Variants in SAMD5 observed in about 807,000 individuals in gnomAD.
SAMD5 encodes the protein sterile alpha motif domain-containing protein 5.
A neutral mutation model predicts 11.3 loss-of-function variants in SAMD5; 13 were observed. The observed-to-expected ratio is 1.15, with a 90% CI of 0.75 to 1.83. The LOEUF is 1.83. Among genes scored for constraint, SAMD5 ranks in the 40% most tolerant of loss-of-function variants. The pLI is 0.00. For missense variants in SAMD5, 255 were observed against 239.1 expected (o/e 1.07, Z -0.44); for synonymous variants, 129 against 111.3 (o/e 1.16, Z -1.00).
At chr6:147,585,666 A>G (rs541897866) in intron 1 of SAMD5, among the ~76,000 whole-genome samples, 4 of 152,190 alleles carry the variant, frequency 2.6e-5, no homozygotes, top group Non-Finnish European at 5.9e-5. Context: ...GGCAGGAGGA[A>G]CAAGCCCCAT....
the SAMD5 span, among the ~76,000 whole-genome samples, chr6:147,876,550 T>C: frequency 1.3e-5 from 2 of 152,190 alleles, no homozygotes; most frequent in African/African-American, 4.8e-5. Flanking sequence ...CATCTCTAAT[T>C]CTGTGACTCC....
At chr6:147,714,285 T>C (rs1333425835) in intron 1 of SAMD5, among the ~76,000 whole-genome samples, 2 of 152,214 alleles carry the variant, frequency 1.3e-5, no homozygotes, top group East Asian at 3.9e-4. Flanking sequence ...CCAAATAGAC[T>C]TTCTGACTTA....
At chr6:147,752,742 A>T in the SAMD5 span, among the ~76,000 whole-genome samples, 1 of 152,174 alleles carries the variant, frequency 6.6e-6, no homozygotes, top group Non-Finnish European at 1.5e-5. Context: ...CTCTCATGGC[A>T]CACTTATGGA....
intron 1 of SAMD5, among the ~76,000 whole-genome samples, chr6:147,555,799 G>T (rs906600545): frequency 6.6e-6 from 1 of 152,110 alleles, no homozygotes; most frequent in African/African-American, 2.4e-5. Flanking sequence ...TTAAGAAACC[G>T]CCGCTTGTCA....
In SAMD5 at chr6:147,575,636, G is replaced by A. The variant is rs573406611; in HGVS notation, c.162+66249G>A. 1.1e-3 allele frequency among the ~76,000 whole-genome samples: 168 copies of A among 152,324 alleles called. 1 individual carries two copies. Among genetic ancestry groups the A allele is most frequent in the Non-Finnish European group, 1.8e-3 (122 of 68,030 alleles). ...GACCATCCATTTCATTTTACCAACT[G>A]TCCCTTGACTTTGATAATGATATAT... On this transcript the variant is annotated intron_variant, in intron 1 of 1. Coordinates refer to the SAMD5 transcript ENST00000566741.
At chr6:147,787,475 A>G in the SAMD5 span, among the ~76,000 whole-genome samples, 1 of 152,192 alleles carries the variant, frequency 6.6e-6, no homozygotes, top group Admixed American at 6.5e-5. Context: ...GTAGACATGA[A>G]TAAGAATTAA....
chr6:147,621,291 A>G (rs1789961434), intron 1 of SAMD5, among the ~76,000 whole-genome samples: 1 of 152,174 alleles, frequency 6.6e-6, no homozygotes, highest in African/African-American at 2.4e-5. Flanking sequence ...TGACAGTGAG[A>G]TCATGAGGTT....
the SAMD5 span, among the ~76,000 whole-genome samples, chr6:147,879,678 A>G: frequency 6.6e-6 from 1 of 152,164 alleles, no homozygotes; most frequent in African/African-American, 2.4e-5. Context: ...ATGAAAAGCA[A>G]TGGGGGATTG....
At chr6:147,824,705 G>C in the SAMD5 span, among the ~76,000 whole-genome samples, 1 of 152,140 alleles carries the variant, frequency 6.6e-6, no homozygotes, top group Non-Finnish European at 1.5e-5. Context: ...ATTTAATGGA[G>C]AGAGTTCATT....
rs76786901 is a variant in SAMD5 at position 147,641,530 on chromosome 6, C to T, written c.163-95787C>T. Among the ~76,000 whole-genome samples the T allele has an allele frequency of 5.3e-3, 805 of 151,804 alleles. 12 individuals are homozygous for T. Among genetic ancestry groups the T allele is most frequent in the African/African-American group, 0.019 (777 of 41,428 alleles). On this transcript the variant is annotated intron_variant, in intron 1 of 1. Transcript: ENST00000566741. Reference sequence around the variant, plus strand: ...GACAACCTTTTCAACTTGGTTTTTGCCTTGTAAAACAAACTAACTCTCTTT... The same window carrying T: ...GACAACCTTTTCAACTTGGTTTTTGTCTTGTAAAACAAACTAACTCTCTTT...
chr6:147,562,469 T>C (rs927958970), intron 1 of SAMD5, among the ~76,000 whole-genome samples: 1 of 152,226 alleles, frequency 6.6e-6, no homozygotes. Flanking sequence ...TTGTACTGTA[T>C]AGTAAATGCA....
the SAMD5 span, among the ~76,000 whole-genome samples, chr6:147,943,217 G>A: frequency 5.8e-4 from 88 of 152,222 alleles, no homozygotes; most frequent in African/African-American, 1.9e-3. Context: ...GTATGTGCAC[G>A]AACATCATTT....
At chr6:147,729,449 G>A (rs1002914200) in intron 1 of SAMD5, among the ~76,000 whole-genome samples, 1 of 152,218 alleles carries the variant, frequency 6.6e-6, no homozygotes, top group Non-Finnish European at 1.5e-5. Context: ...GCTGCCCACT[G>A]TATGCCAGGA....
chr6:147,585,471 G>A (rs79000448), intron 1 of SAMD5, among the ~76,000 whole-genome samples: 4,277 of 152,164 alleles, frequency 0.028, 120 homozygotes, highest in Non-Finnish European at 0.044. Flanking sequence ...TGACTCTTAC[G>A]AACTCTATGT....
At chr6:147,560,232 C>G (rs1016157498) in intron 1 of SAMD5, among the ~76,000 whole-genome samples, 2 of 152,074 alleles carry the variant, frequency 1.3e-5, no homozygotes, top group African/African-American at 2.4e-5. Context: ...ATGCAAATTC[C>G]CACCTTTCTT....
At chr6:147,694,992 G>A (rs1791155615) in intron 1 of SAMD5, among the ~76,000 whole-genome samples, 1 of 152,130 alleles carries the variant, frequency 6.6e-6, no homozygotes, top group Non-Finnish European at 1.5e-5. Context: ...GTAAATAACA[G>A]CCCATAATAT....
rs1171853798 is a variant in SAMD5 at position 147,565,735 on chromosome 6, C to T, written c.*1279C>T. The T allele has an allele frequency of 3.1e-6, 3 of 982,810 alleles. No homozygotes were observed. The highest frequency in any genetic ancestry group is 3.6e-6 in the Non-Finnish European group (3 of 827,662). 60.9% of individuals were successfully genotyped at this position (982,810 alleles called of 1,614,324 possible). On this transcript the variant is annotated 3_prime_UTR_variant, in exon 2 of 2. Transcript: ENST00000367474. ...GTGGCCTCCAGTAGCGCTGGGATTA[C>T]AGGCGTGAGCCATCACACCCGGCCT...
chr6:147,787,249 A>G, the SAMD5 span, among the ~76,000 whole-genome samples: 27 of 152,176 alleles, frequency 1.8e-4, no homozygotes, highest in African/African-American at 6.5e-4. Context: ...AGCCTCGTTA[A>G]CTTGAAATAG....
Position 147,536,535 on chromosome 6 carries a change from T to C in SAMD5, c.459+27148T>C, listed in dbSNP as rs1172595318. 3.9e-5 allele frequency among the ~76,000 whole-genome samples: 6 copies of C among 152,276 alleles called. No individual in the cohort carries two copies. In the East Asian group the frequency reaches 1.2e-3, roughly 29 times the overall value. On this transcript the variant is annotated intron_variant, in intron 1 of 1. Coordinates refer to ENST00000367474, the MANE Select transcript of SAMD5 (RefSeq NM_001030060.3). Reference sequence around the variant, plus strand: ...CTTTTTATGAGAGTCCAAGAAGTTTTTTTTTTAATTCCAGTAGCACAATTT... The same window carrying C: ...CTTTTTATGAGAGTCCAAGAAGTTTCTTTTTTAATTCCAGTAGCACAATTT...
Sources: allele counts gnomAD v4.1 joint callset (sites outside exome capture counted in the v4.1 genomes callset), GRCh38; gene constraint gnomAD v4.1.1; transcripts MANE v1.5; gene names NCBI Gene and HGNC (gene_info 2026-07-23, HGNC 2026-07-21).